CEP152: variants seen among roughly 807,000 people sequenced by gnomAD.
CEP152 encodes the protein centrosomal protein of 152 kDa.
In CEP152, 132 loss-of-function variants were observed where a neutral mutation model predicts 188.9. The ratio of observed to expected loss-of-function variants is 0.70; its 90% CI spans 0.61 to 0.81. The LOEUF is 0.81. CEP152 is among the 30% of genes least tolerant of loss of function. The probability of loss-of-function intolerance (pLI) is 0.00; values close to 1 mark genes in which losing one functional copy is unlikely to be tolerated. For synonymous variants in CEP152, 649 were observed against 666.6 expected (o/e 0.97, Z 0.41); for missense variants, 1,914 against 1,969.8 (o/e 0.97, Z 0.54).
chr15:48,792,782 G>T lies in CEP152; in HGVS notation c.832+539C>A, dbSNP rs1024493420. Among the ~76,000 whole-genome samples, 4 of 150,358 alleles carry T rather than the reference G, an allele frequency of 2.7e-5. 1 individual carries two copies. Among genetic ancestry groups the T allele is most frequent in the African/African-American group, 9.7e-5 (4 of 41,124 alleles). ...GTTCAATGATTCTAAAAGCCTAAGT[G>T]AGAAAAGGGAAAATATAGGGACTCC... On this transcript the variant is annotated intron_variant, in intron 7 of 26. Coordinates refer to ENST00000380950, the MANE Select transcript of CEP152 (RefSeq NM_001194998.2).
intron 9 of CEP152, among the ~76,000 whole-genome samples, chr15:48,784,662 TTATC>T (rs1229731283): frequency 6.6e-6 from 1 of 152,204 alleles, no homozygotes; most frequent in East Asian, 1.9e-4. Flanking sequence ...TGTTTCTTTC[TTATC>T]TTTCTCCACC....
intron 6 of CEP152, among the ~76,000 whole-genome samples, chr15:48,794,146 A>C (rs1186775723): frequency 6.6e-6 from 1 of 152,112 alleles, no homozygotes; most frequent in African/African-American, 2.4e-5. Context: ...GCATTATTTA[A>C]TATACCCATA....
chr15:48,741,502 C>A, intron 26 of CEP152, 99 bp downstream of exon 26: 1 of 1,602,696 alleles, frequency 6.2e-7, no homozygotes, highest in Non-Finnish European at 8.5e-7. Context: ...CACAAATTAA[C>A]TCTCACTCCT....
intron 12 of CEP152, among the ~76,000 whole-genome samples, chr15:48,775,562 G>T (rs1005866376): frequency 5.9e-5 from 9 of 151,978 alleles, no homozygotes; most frequent in African/African-American, 1.9e-4. Context: ...ACAAATATAA[G>T]GATATTTTCA....
chr15:48,785,663 A>C (rs544215777), intron 9 of CEP152, among the ~76,000 whole-genome samples: 1 of 152,318 alleles, frequency 6.6e-6, no homozygotes, highest in South Asian at 2.1e-4. Flanking sequence ...TTATGTAAAA[A>C]TCAATTAAAC....
At chr15:48,748,120 C>T (rs1428169719) in intron 22 of CEP152, among the ~76,000 whole-genome samples, 1 of 152,072 alleles carries the variant, frequency 6.6e-6, no homozygotes, top group Non-Finnish European at 1.5e-5. Context: ...AGGAAGGGAA[C>T]ACATCTCCAC....
At chr15:48,762,254 G>T in intron 18 of CEP152, 137 bp downstream of exon 18, 2 of 838,210 alleles carry the variant, frequency 2.4e-6, no homozygotes, top group Non-Finnish European at 3.8e-6. Flanking sequence ...TTAGGAACAT[G>T]ACAGGTTTTC....
intron 26 of CEP152, chr15:48,741,129 A>ATTTTTTTTTT (rs1417258122): frequency 5.3e-6 from 5 of 934,866 alleles, no homozygotes; most frequent in African/African-American, 7.3e-5. Flanking sequence ...TCCACTGCAA[A>ATTTTTTTTTT]CTTTTTTTTT....
intron 2 of CEP152, among the ~76,000 whole-genome samples, chr15:48,798,466 G>A (rs1595698177): frequency 6.6e-6 from 1 of 152,298 alleles, no homozygotes; most frequent in East Asian, 1.9e-4. Flanking sequence ...CAGGGAATGT[G>A]AGTAGCCAGA....
chr15:48,740,168 C>T (rs1892850326), intron 26 of CEP152, among the ~76,000 whole-genome samples: 1 of 152,162 alleles, frequency 6.6e-6, no homozygotes, highest in African/African-American at 2.4e-5. Flanking sequence ...GTATGATCTA[C>T]AGAAAGAAAA....
intron 1 of CEP152, among the ~76,000 whole-genome samples, chr15:48,806,023 T>C (rs1279959689): frequency 1.3e-5 from 2 of 152,148 alleles, no homozygotes; most frequent in African/African-American, 2.4e-5. Context: ...ATGTGATATA[T>C]TAAACATGGC....
rs1892761940 is a variant in CEP152 at position 48,738,942 on chromosome 15, GTCTT to G, written c.4436_4439del (p.Lys1479ThrfsTer23). On this transcript the variant is annotated frameshift_variant, in exon 27 of 27. Coordinates refer to ENST00000380950, the MANE Select transcript of CEP152 (RefSeq NM_001194998.2). LOFTEE classifies it low-confidence loss of function (END_TRUNC). ...ATTCAGAACCATTATCACTGAGTAGGTCTTTCTTCTTGTGCAAACCAAAGCCTCC... is the reference window on the plus strand; with the variant it reads ...ATTCAGAACCATTATCACTGAGTAGGTCTTCTTGTGCAAACCAAAGCCTCC... 3.7e-6 allele frequency: 6 copies of G among 1,614,022 alleles called. No individual in the cohort carries two copies. Among genetic ancestry groups the G allele is most frequent in the Non-Finnish European group, 5.1e-6 (6 of 1,179,930 alleles).
intron 19 of CEP152, among the ~76,000 whole-genome samples, chr15:48,759,321 T>C (rs1207968328): frequency 6.6e-6 from 1 of 152,238 alleles, no homozygotes; most frequent in Non-Finnish European, 1.5e-5. Flanking sequence ...TTTATTGTGA[T>C]ACACGTTGGG....
At chr15:48,791,104 A>T in intron 8 of CEP152, 133 bp downstream of exon 8, 1 of 689,986 alleles carries the variant, frequency 1.4e-6, no homozygotes, top group Non-Finnish European at 2.4e-6. Context: ...AAACTATTGC[A>T]GTCAGGAAAT....
intron 12 of CEP152, among the ~76,000 whole-genome samples, chr15:48,778,852 G>A (rs547783335): frequency 6.6e-6 from 1 of 152,102 alleles, no homozygotes; most frequent in South Asian, 2.1e-4. Context: ...AGGAGGCTGA[G>A]GCAGGAGAAT....
intron 5 of CEP152, among the ~76,000 whole-genome samples, chr15:48,796,599 T>C (rs1182756548): frequency 6.6e-6 from 1 of 152,142 alleles, no homozygotes. Flanking sequence ...GTAACTCTTA[T>C]GGGATGAATA....
At chr15:48,731,524 C>T (rs1892422249) in intron 2 of CEP152, among the ~76,000 whole-genome samples, 1 of 152,038 alleles carries the variant, frequency 6.6e-6, no homozygotes, top group Non-Finnish European at 1.5e-5. Context: ...ACACCTTATA[C>T]AAAAATTAAC....
intron 1 of CEP152, among the ~76,000 whole-genome samples, chr15:48,806,556 T>C (rs991193473): frequency 2.0e-5 from 3 of 152,208 alleles, no homozygotes; most frequent in Admixed American, 6.5e-5. Context: ...TGAAACGCAC[T>C]TGGATGTGAG....
Position 48,793,602 on chromosome 15 carries a change from AAAAG to A in CEP152, c.692-145_692-142del, listed in dbSNP as rs1286177736. On this transcript the variant is annotated intron_variant, in intron 6 of 26. Coordinates refer to ENST00000380950, the MANE Select transcript of CEP152 (RefSeq NM_001194998.2). ...TTCAGTGAATTGTGACTAGGATTAA[AAAAG>A]AGAGAGAGAATATATCAGAGTGCAT... is the stretch of plus-strand genomic sequence containing the variant. 17 of 744,516 alleles carry A rather than the reference AAAAG, an allele frequency of 2.3e-5. 1 individual carries two copies. In the East Asian group the frequency reaches 3.0e-4, roughly 13 times the overall value. The allele number at this position is 744,516 out of a possible 1,614,324, so 46.1% of individuals were successfully genotyped here.
Sources: gnomAD v4.1 joint callset for allele counts (sites outside exome capture counted in the v4.1 genomes callset) on GRCh38, gnomAD v4.1.1 for gene constraint, MANE v1.5 for transcripts, NCBI Gene and HGNC (gene_info 2026-07-23, HGNC 2026-07-21) for gene names.